The following CDKAL1 variants were observed in gnomAD, a reference collection of about 807,000 sequenced individuals.
CDKAL1 encodes the protein CDKAL1 threonylcarbamoyladenosine tRNA methylthiotransferase, also known as threonylcarbamoyladenosine tRNA methylthiotransferase.
CDKAL1 carries 32 observed loss-of-function variants against 68.2 expected under a neutral mutation model. The ratio of observed to expected loss-of-function variants is 0.47; its 90% confidence interval spans 0.35 to 0.63. The LOEUF is 0.63. Among genes scored for constraint, CDKAL1 ranks in the 30% least tolerant of loss-of-function variants. The pLI, the probability that CDKAL1 is intolerant of heterozygous loss-of-function variation, is 0.00. For synonymous variants in CDKAL1, 234 were observed against 244.3 expected (o/e 0.96, Z 0.39); for missense variants, 606 against 696.7 (o/e 0.87, Z 1.47).
chr6:20,638,220 G>A lies in CDKAL1; in HGVS notation c.287-11073G>A, dbSNP rs1581870293. Among the ~76,000 whole-genome samples the A allele has an allele frequency of 2.0e-5, 3 of 152,228 alleles. No individual in the cohort carries two copies. In the East Asian group the frequency reaches 5.8e-4, roughly 29 times the overall value. Reference sequence around the variant, plus strand: ...AGTATAGTGTGCTATCAAACTTTTGGATTTTTGACAGTCTAGTAAGTGAAA... The same window carrying A: ...AGTATAGTGTGCTATCAAACTTTTGAATTTTTGACAGTCTAGTAAGTGAAA... On this transcript the variant is annotated intron_variant, in intron 4 of 15. Coordinates refer to ENST00000274695, the MANE Select transcript of CDKAL1 (RefSeq NM_017774.3).
At chr6:21,098,534 C>CTT (rs34764667) in intron 12 of CDKAL1, among the ~76,000 whole-genome samples, 30 of 80,956 alleles carry the variant, frequency 3.7e-4, no homozygotes, top group African/African-American at 6.9e-4. Context: ...GGGTACACAG[C>CTT]TTTTTTTTTT....
rs769042113 is a variant in CDKAL1 at position 21,167,140 on chromosome 6, A to G, written c.1300-30881A>G. On this transcript the variant is annotated intron_variant, in intron 13 of 15. Coordinates refer to ENST00000274695, the MANE Select transcript of CDKAL1 (RefSeq NM_017774.3). The stretch of plus-strand genomic sequence containing the variant: ...CTGTGGCTTGCCTGTTTGTACATCT[A>G]TTATGGGCTACGGTTAGTTTATGGC... Among the ~76,000 whole-genome samples, 13 of 152,344 alleles carry G rather than the reference A, an allele frequency of 8.5e-5. No homozygotes were observed. The South Asian group carries it at 1.0e-3, about 12-fold the overall frequency.
In CDKAL1 at chr6:20,840,998, C is replaced by T. The variant is rs983439487; in HGVS notation, c.639-5077C>T. On this transcript the variant is annotated intron_variant, in intron 8 of 15. Transcript: ENST00000274695. The stretch of plus-strand genomic sequence containing the variant: ...TTGTTAAGGGCTTATTATTTTGTAA[C>T]ATTGGTTTTTTGTTTTTGTGGAGAC... 2.6e-5 allele frequency among the ~76,000 whole-genome samples: 4 copies of T among 152,170 alleles called. No homozygotes were observed. In the South Asian group the frequency reaches 8.3e-4, roughly 32 times the overall value.
chr6:20,942,556 G>A (rs1581879387), intron 9 of CDKAL1, among the ~76,000 whole-genome samples: 1 of 150,154 alleles, frequency 6.7e-6, no homozygotes, highest in African/African-American at 2.4e-5. Flanking sequence ...TAGTAGAGAT[G>A]GGGTTTCTCC....
At chr6:20,934,192 A>G (rs1239885025) in intron 9 of CDKAL1, among the ~76,000 whole-genome samples, 1 of 152,206 alleles carries the variant, frequency 6.6e-6, no homozygotes, top group African/African-American at 2.4e-5. Context: ...AGACAAGGGC[A>G]TTTCTAGAAT....
intron 13 of CDKAL1, among the ~76,000 whole-genome samples, chr6:21,150,927 A>C (rs1225227965): frequency 2.0e-5 from 3 of 152,228 alleles, no homozygotes; most frequent in Non-Finnish European, 4.4e-5. Context: ...GCCTGCCTGA[A>C]ACATGGTTTA....
At chr6:20,664,429 C>T (rs1258498896) in intron 5 of CDKAL1, among the ~76,000 whole-genome samples, 3 of 152,132 alleles carry the variant, frequency 2.0e-5, no homozygotes, top group African/African-American at 7.2e-5. Context: ...GTTTCCATTA[C>T]AAGAGGAATC....
At position 21,014,439 on chromosome 6, in the gene CDKAL1, A is replaced by G. The variant is rs575487255; in HGVS notation, c.1055+14067A>G. ...CAACATGGTGAACCCTGTCTCTACT[A>G]AAAATGCAAACAAACAAAAAAATTA... On this transcript the variant is annotated intron_variant, in intron 11 of 15. Transcript: ENST00000274695. Among the ~76,000 whole-genome samples the G allele has an allele frequency of 3.6e-3, 544 of 152,190 alleles. 3 individuals are homozygous for G. Among genetic ancestry groups the G allele is most frequent in the Non-Finnish European group, 3.9e-3 (268 of 68,004 alleles).
chr6:20,777,563 C>T (rs1052983557), intron 7 of CDKAL1, among the ~76,000 whole-genome samples: 7 of 152,144 alleles, frequency 4.6e-5, no homozygotes, highest in African/African-American at 7.2e-5. Flanking sequence ...TGCAGTGAGC[C>T]GTGATTGTGC....
chr6:20,823,207 T>C (rs990203068), intron 8 of CDKAL1, among the ~76,000 whole-genome samples: 2 of 152,330 alleles, frequency 1.3e-5, no homozygotes, highest in Admixed American at 6.5e-5. Flanking sequence ...CTGTCTAAAA[T>C]GCTGTCTCCT....
In CDKAL1 at chr6:20,679,076, A is replaced by G. The variant is rs1023141300; in HGVS notation, c.371+29699A>G. Among the ~76,000 whole-genome samples the G allele has an allele frequency of 1.8e-4, 28 of 152,022 alleles. 1 individual carries two copies. Among genetic ancestry groups the G allele is most frequent in the African/African-American group, 6.8e-4 (28 of 41,382 alleles). On this transcript the variant is annotated intron_variant, in intron 5 of 15. Transcript: ENST00000274695. ...TGTGTCACCACACATGGCTAGATTT[A>G]TTTATTGATTGATTGATTGTAAAGA...
intron 8 of CDKAL1, among the ~76,000 whole-genome samples, chr6:20,783,590 G>A (rs1775527946): frequency 6.6e-6 from 1 of 152,074 alleles, no homozygotes; most frequent in Non-Finnish European, 1.5e-5. Flanking sequence ...TCATGGGTGA[G>A]CCTCCTGCAC....
chr6:20,685,700 AATTTT>A (rs1770588262), intron 5 of CDKAL1, among the ~76,000 whole-genome samples: 1 of 152,116 alleles, frequency 6.6e-6, no homozygotes, highest in African/African-American at 2.4e-5. Context: ...TTTTTTAAAA[AATTTT>A]ATTTTATTTT....
At chr6:20,771,902 G>C (rs953732022) in intron 7 of CDKAL1, among the ~76,000 whole-genome samples, 14 of 152,146 alleles carry the variant, frequency 9.2e-5, no homozygotes, top group Non-Finnish European at 1.6e-4. Context: ...CGTACAGCCT[G>C]CAGAACCGTG....
At chr6:21,141,158 C>G (rs987082895) in intron 13 of CDKAL1, among the ~76,000 whole-genome samples, 8 of 152,182 alleles carry the variant, frequency 5.3e-5, no homozygotes, top group Non-Finnish European at 8.8e-5. Flanking sequence ...ACCACTCCCC[C>G]CTTGCACGCT....
chr6:21,186,411 T>A (rs1344216282), intron 13 of CDKAL1, among the ~76,000 whole-genome samples: 1 of 152,234 alleles, frequency 6.6e-6, no homozygotes, highest in African/African-American at 2.4e-5. Flanking sequence ...AAAAATGAAT[T>A]TTTTGATAAT....
At chr6:20,954,326 T>C (rs375523929) in intron 9 of CDKAL1, among the ~76,000 whole-genome samples, 28 of 152,354 alleles carry the variant, frequency 1.8e-4, no homozygotes, top group African/African-American at 6.7e-4. Flanking sequence ...AATATTTAAA[T>C]GTATTTTTGA....
intron 15 of CDKAL1, among the ~76,000 whole-genome samples, chr6:21,228,192 C>CTAAT (rs999896935): frequency 7.2e-5 from 11 of 152,124 alleles, no homozygotes; most frequent in African/African-American, 2.7e-4. Flanking sequence ...GACCCTGTAC[C>CTAAT]TAATTTTGTA....
intron 4 of CDKAL1, among the ~76,000 whole-genome samples, chr6:20,589,024 C>T (rs192471794): frequency 1.3e-5 from 2 of 152,078 alleles, no homozygotes; most frequent in Non-Finnish European, 1.5e-5. Context: ...AAAAATATCA[C>T]TACAAAAAGG....
Sources: allele counts gnomAD v4.1 joint callset (sites outside exome capture counted in the v4.1 genomes callset), GRCh38; gene constraint gnomAD v4.1.1; transcripts MANE v1.5; gene names NCBI Gene and HGNC (gene_info 2026-07-23, HGNC 2026-07-21).